Variants in NAF1 observed in about 807,000 individuals in gnomAD.
NAF1 encodes the protein nuclear assembly factor 1 ribonucleoprotein.
A neutral mutation model predicts 40.6 loss-of-function variants in NAF1; 11 were observed. The observed-to-expected ratio is 0.27, with a 90% CI of 0.17 to 0.45. NAF1 has a LOEUF of 0.45. NAF1 is among the 20% of genes least tolerant of loss of function. NAF1 has a pLI of 1.00. For missense variants in NAF1, 607 were observed against 611.1 expected, an observed-to-expected ratio of 0.99 and a Z score of 0.07; for synonymous variants, 260 against 228.5, an observed-to-expected ratio of 1.14 and a Z score of -1.24.
chr4:163,164,335 G>C lies in NAF1; in HGVS notation c.422C>G (p.Ser141Trp), dbSNP rs200588702. The C allele has an allele frequency of 1.8e-5, 28 of 1,599,988 alleles. 1 individual carries two copies. The South Asian group carries it at 2.9e-4, about 16-fold the overall frequency. The change falls in exon 2 of 8, where the codon TCG (serine) becomes TGG (tryptophan). Residue 141 changes from serine (S) to tryptophan (W), a missense_variant. By Grantham distance (177) the Ser-to-Trp change is radical (BLOSUM62 -3). Around this residue, in one of 3 missense-constraint regions of NAF1, gnomAD observed 407 missense variants for 365.5 expected, o/e 1.11. Coordinates refer to ENST00000274054, the MANE Select transcript of NAF1 (RefSeq NM_138386.3). ...AAGTGATATACAAGAGGAAGAAGAC[G>C]ACGATGAGGAAGATGAAGAGGAAGA... is the stretch of plus-strand genomic sequence containing the variant. Reference protein sequence around the residue: ...SSSSSSSSSSSSSSSCISLPP... With the variant: ...SSSSSSSSSSWSSSSCISLPP...
chr4:163,120,239 A>ATAAT (rs777713252), intron 2 of NAF1, among the ~76,000 whole-genome samples: 7 of 152,224 alleles, frequency 4.6e-5, no homozygotes, highest in Non-Finnish European at 1.0e-4. Context: ...AAGAGCTGCA[A>ATAAT]TAATAGGTTT....
chr4:163,138,075 T>C (rs1731125910), intron 5 of NAF1, among the ~76,000 whole-genome samples: 1 of 152,142 alleles, frequency 6.6e-6, no homozygotes, highest in Non-Finnish European at 1.5e-5. Flanking sequence ...AAGTAAAATA[T>C]TACAAAGTAT....
At position 163,166,869 on chromosome 4, in the gene NAF1, A is replaced by T; in HGVS notation, c.-142T>A. On this transcript the variant is annotated 5_prime_UTR_variant, in exon 1 of 8. Coordinates refer to ENST00000274054, the MANE Select transcript of NAF1 (RefSeq NM_138386.3). ...CTTCCCGCGTTTCTCAGGTAACTAC[A>T]CGCGGAGGAGCCAAAAGACACGCCC... 8.7e-7 allele frequency: 1 copy of T among 1,153,148 alleles called. No homozygotes were observed. 71.4% of individuals were successfully genotyped at this position (1,153,148 alleles called of 1,614,324 possible).
chr4:163,125,664 T>C (rs949914337), downstream of NAF1, among the ~76,000 whole-genome samples: 10 of 152,226 alleles, frequency 6.6e-5, no homozygotes, highest in African/African-American at 2.4e-4. Context: ...AAGATGAAGC[T>C]GTAAGTTATC....
chr4:163,161,579 A>G (rs1732224949), intron 2 of NAF1, among the ~76,000 whole-genome samples: 1 of 152,186 alleles, frequency 6.6e-6, no homozygotes, highest in Admixed American at 6.5e-5. Flanking sequence ...ATCCAGAGGC[A>G]TGTAAAAGAA....
chr4:163,122,883 C>T (rs930508803), downstream of NAF1, among the ~76,000 whole-genome samples: 24 of 152,172 alleles, frequency 1.6e-4, no homozygotes, highest in African/African-American at 5.3e-4. Context: ...AATTTCTGTT[C>T]ATTATACATT....
chr4:163,112,711 A>G (rs895577485), intron 2 of NAF1, among the ~76,000 whole-genome samples: 14 of 152,176 alleles, frequency 9.2e-5, no homozygotes, highest in Non-Finnish European at 1.5e-4. Flanking sequence ...CTTTTTGTGA[A>G]GAGGGATGTG....
chr4:163,116,635 TG>T (rs1282120242), intron 2 of NAF1, among the ~76,000 whole-genome samples: 1 of 152,218 alleles, frequency 6.6e-6, no homozygotes, highest in Non-Finnish European at 1.5e-5. Context: ...GCTCAGATCC[TG>T]GGATCAGACA....
chr4:163,111,605 A>G (rs993221683), intron 2 of NAF1, among the ~76,000 whole-genome samples: 4 of 152,156 alleles, frequency 2.6e-5, no homozygotes. Flanking sequence ...TGCATTTCTG[A>G]GTCCAAGTGT....
downstream of NAF1, among the ~76,000 whole-genome samples, chr4:163,121,777 G>A (rs1730525579): frequency 6.6e-6 from 1 of 152,124 alleles, no homozygotes; most frequent in African/African-American, 2.4e-5. Flanking sequence ...TAAATACCCT[G>A]AGCAGGTTAA....
At chr4:163,137,072 G>A (rs183505083) in intron 6 of NAF1, 127 bp downstream of exon 6, 2 of 1,002,646 alleles carry the variant, frequency 2.0e-6, no homozygotes, top group East Asian at 5.5e-5. Context: ...ACATGCGCTA[G>A]GACAGGATAA....
At chr4:163,115,190 A>G (rs981954019) in intron 2 of NAF1, among the ~76,000 whole-genome samples, 4 of 147,056 alleles carry the variant, frequency 2.7e-5, no homozygotes, top group Non-Finnish European at 4.5e-5. Flanking sequence ...TTGGCGATAT[A>G]GGACAATAAT....
At chr4:163,116,822 G>A (rs931428506) in intron 2 of NAF1, among the ~76,000 whole-genome samples, 1 of 151,916 alleles carries the variant, frequency 6.6e-6, no homozygotes, top group African/African-American at 2.4e-5. Context: ...TTTTTTCAGG[G>A]ACGACCACCC....
At chr4:163,126,517 C>G (rs1363144360), downstream of NAF1, among the ~76,000 whole-genome samples, 1 of 152,142 alleles carries the variant, frequency 6.6e-6, no homozygotes, top group South Asian at 2.1e-4. Context: ...AAAACTTGAA[C>G]AGATGAGGAG....
intron 2 of NAF1, among the ~76,000 whole-genome samples, chr4:163,154,326 T>A (rs561230892): frequency 1.3e-5 from 2 of 152,290 alleles, no homozygotes; most frequent in South Asian, 4.1e-4. Flanking sequence ...ATAAAAGTGA[T>A]GCACATGAAG....
At chr4:163,130,841 A>C (rs1730842867) in intron 7 of NAF1, among the ~76,000 whole-genome samples, 1 of 152,232 alleles carries the variant, frequency 6.6e-6, no homozygotes, top group Non-Finnish European at 1.5e-5. Context: ...AAATTCCTAA[A>C]AGATAACATA....
At chr4:163,121,855 G>A (rs1172419840), downstream of NAF1, among the ~76,000 whole-genome samples, 2 of 152,184 alleles carry the variant, frequency 1.3e-5, no homozygotes, top group Non-Finnish European at 2.9e-5. Context: ...GGGAAAGACT[G>A]AGAAGTAAAG....
chr4:163,126,842 C>A (rs1372750142), downstream of NAF1: 5 of 1,276,644 alleles, frequency 3.9e-6, no homozygotes, highest in Non-Finnish European at 5.2e-6. Context: ...TAGTCAGCGG[C>A]CAACAGCACT....
intron 4 of NAF1, among the ~76,000 whole-genome samples, chr4:163,145,529 T>A (rs191305544): frequency 2.4e-3 from 372 of 152,314 alleles, no homozygotes; most frequent in Non-Finnish European, 4.2e-3. Flanking sequence ...TAGCAAGTTA[T>A]CTGACAAACA....
Sources: allele counts gnomAD v4.1 joint callset (sites outside exome capture counted in the v4.1 genomes callset), GRCh38; gene constraint gnomAD v4.1.1; regional missense constraint gnomAD v4.1.1; transcripts MANE v1.5; gene names NCBI Gene and HGNC (gene_info 2026-07-23, HGNC 2026-07-21).